Variants in LAMC2 observed in about 807,000 individuals in gnomAD.
The protein encoded by LAMC2 is laminin subunit gamma 2.
Under a neutral mutation model 140.2 loss-of-function variants are expected in LAMC2, and 97 were observed. The observed-to-expected ratio is 0.69, with a 90% CI of 0.59 to 0.82. The LOEUF is 0.82. Ranked by LOEUF, LAMC2 falls within the 40% of genes least tolerant of loss-of-function variation. LAMC2 has a pLI of 0.00. For synonymous variants in LAMC2, 513 were observed against 540.2 expected (o/e 0.95, Z 0.70); for missense variants, 1,402 against 1,476.1 (o/e 0.95, Z 0.82).
At chr1:183,234,178 C>T (rs1414751849) in intron 14 of LAMC2, among the ~76,000 whole-genome samples, 189 bp from the exon 15 acceptor site, 1 of 152,240 alleles carries the variant, frequency 6.6e-6, no homozygotes, top group Non-Finnish European at 1.5e-5. Flanking sequence ...TGAGCCACCA[C>T]ACCCGGCCTA....
the LAMC2 span, chr1:183,252,341 G>A: frequency 2.9e-6 from 1 of 340,040 alleles, no homozygotes; most frequent in Non-Finnish European, 5.5e-6. Context: ...CACCAGAGCC[G>A]CCTCTCTAGA....
intron 9 of LAMC2, among the ~76,000 whole-genome samples, chr1:183,227,174 C>G (rs1226554829): frequency 6.6e-6 from 1 of 152,010 alleles, no homozygotes; most frequent in Admixed American, 6.5e-5. Context: ...GAGTTGGTGT[C>G]GAGTTCCAAG....
chr1:183,227,795 T>G, intron 10 of LAMC2, 98 bp downstream of exon 10: 2 of 1,169,732 alleles, frequency 1.7e-6, no homozygotes, highest in Non-Finnish European at 2.5e-6. Flanking sequence ...TAGGAAATTA[T>G]AATGACTTCG....
Position 183,232,091 on chromosome 1 carries a change from T to C in LAMC2, c.1858-96T>C, listed in dbSNP as rs937091524. 5 of 1,474,724 alleles carry C rather than the reference T, an allele frequency of 3.4e-6. No homozygotes were observed. In the African/African-American group the frequency reaches 6.9e-5, roughly 20 times the overall value. The allele number at this position is 1,474,724 out of a possible 1,614,324, so 91.4% of individuals were successfully genotyped here. A position where few individuals can be genotyped will look rare whatever the true frequency, so the allele number is the denominator to read the frequency against. On this transcript the variant is annotated intron_variant, in intron 12 of 22. Transcript: ENST00000264144. ...ACCACCATGACATGCTAAGCATTTC[T>C]GGACTTTTAGTATTATCCCCTGGGT... is the stretch of plus-strand genomic sequence containing the variant.
intron 1 of LAMC2, among the ~76,000 whole-genome samples, chr1:183,205,429 T>C (rs1658852303): frequency 6.6e-6 from 1 of 152,238 alleles, no homozygotes; most frequent in Non-Finnish European, 1.5e-5. Flanking sequence ...TTGAATTGTG[T>C]GCAAATGTAA....
At chr1:183,219,162 C>T (rs902229088) in intron 4 of LAMC2, among the ~76,000 whole-genome samples, 2 of 152,144 alleles carry the variant, frequency 1.3e-5, no homozygotes, top group African/African-American at 2.4e-5. Context: ...GTGAGGCTGG[C>T]GTCAGAAGCA....
chr1:183,234,415 C>A lies in LAMC2; in HGVS notation c.2269C>A (p.Leu757Met). Residue 757 changes from leucine to methionine, a missense_variant, in exon 15 of 23, where the codon CTG becomes ATG. By Grantham distance (15) the Leu-to-Met change is conservative. Coordinates refer to ENST00000264144, the MANE Select transcript of LAMC2 (RefSeq NM_005562.3). ...HYVGPNGFKS[L>M]AQEATRLAES... ...CGTGGGGCCAAATGGCTTTAAAAGT[C>A]TGGCTCAGGAGGCCACAAGATTAGC... 1 of 1,614,164 alleles carries A rather than the reference C, an allele frequency of 6.2e-7. No individual in the cohort carries two copies. The highest frequency in any genetic ancestry group is 8.5e-7 in the Non-Finnish European group (1 of 1,180,012).
chr1:183,221,933 T>G (rs1051047187), intron 5 of LAMC2, among the ~76,000 whole-genome samples, 156 bp from the exon 6 acceptor site: 1 of 152,068 alleles, frequency 6.6e-6, no homozygotes, highest in East Asian at 1.9e-4. Flanking sequence ...GAGAGATACA[T>G]GCAGAATTTT....
intron 4 of LAMC2, 36 bp from the exon 5 acceptor site, chr1:183,220,789 A>G: frequency 6.2e-7 from 1 of 1,601,990 alleles, no homozygotes; most frequent in Non-Finnish European, 8.5e-7. Flanking sequence ...ATAAAAAATA[A>G]CCTATAATAT....
chr1:183,252,583 G>A, the LAMC2 span: 3 of 1,204,284 alleles, frequency 2.5e-6, no homozygotes, highest in African/African-American at 3.0e-5. Context: ...AGGCAGGAGA[G>A]AAACAGGGGG....
chr1:183,216,840 G>T (rs1025895046), intron 3 of LAMC2, among the ~76,000 whole-genome samples: 1 of 152,150 alleles, frequency 6.6e-6, no homozygotes, highest in Admixed American at 6.5e-5. Context: ...AGGATGTCCA[G>T]TGCATCTGCA....
chr1:183,240,811 A>AG, intron 22 of LAMC2: 1 of 448,976 alleles, frequency 2.2e-6, no homozygotes, highest in Non-Finnish European at 3.1e-6. Context: ...AAGCTTGAAG[A>AG]GGGGGTTAGA....
chr1:183,242,657 G>A (rs765036000), intron 22 of LAMC2, among the ~76,000 whole-genome samples: 33 of 152,188 alleles, frequency 2.2e-4, no homozygotes, highest in African/African-American at 7.0e-4. Flanking sequence ...GTGGCAAAGC[G>A]TACCTTGGCC....
chr1:183,240,697 A>T lies in LAMC2; in HGVS notation c.3328+306A>T, dbSNP rs77829842. The T allele has an allele frequency of 2.0e-3, 2,635 of 1,301,458 alleles. 56 individuals are homozygous for T. In the African/African-American group the frequency reaches 0.035, roughly 17 times the overall value. The allele number at this position is 1,301,458 out of a possible 1,614,324, so 80.6% of individuals were successfully genotyped here. On this transcript the variant is annotated intron_variant, in intron 22 of 22. Transcript: ENST00000264144. ...CGAGACAGCTTGGGAATCCTGCTAA[A>T]GAGTCTGGCCTGGACCCTGAGAAGC...
At chr1:183,207,835 GTTTTT>G in intron 1 of LAMC2, 41 bp from the exon 2 acceptor site, 1 of 1,185,248 alleles carries the variant, frequency 8.4e-7, no homozygotes. Flanking sequence ...TTCCTGAGGT[GTTTTT>G]TTTTTTTTTT....
At position 183,225,641 on chromosome 1, in the gene LAMC2, C is replaced by T; in HGVS notation, c.987C>T (p.Pro329=). ...AGCATCCAAGCAATAATTGGAGCCC[C>T]CAGCTGAGTTACTTTGAGTATCGAA... ...LNEHPSNNWS[P]QLSYFEYRRL... is the part of the protein sequence containing the mutation. Residue 329 remains proline (P), a synonymous_variant, in exon 8 of 23, where the codon CCC becomes CCT. Coordinates refer to ENST00000264144, the MANE Select transcript of LAMC2 (RefSeq NM_005562.3). 1.2e-6 allele frequency: 2 copies of T among 1,614,024 alleles called. No homozygotes were observed. Among genetic ancestry groups the T allele is most frequent in the South Asian group, 1.1e-5 (1 of 91,076 alleles).
intron 17 of LAMC2, 64 bp downstream of exon 17, chr1:183,236,668 G>T (rs1659974271): frequency 1.0e-5 from 16 of 1,567,562 alleles, no homozygotes; most frequent in South Asian, 1.0e-4. Context: ...TTTTCTGGGG[G>T]TGCCATAATA....
At chr1:183,202,819 C>T (rs954096739) in intron 1 of LAMC2, among the ~76,000 whole-genome samples, 7 of 152,104 alleles carry the variant, frequency 4.6e-5, no homozygotes, top group African/African-American at 1.7e-4. Context: ...ATGTAAACTC[C>T]GTGAGGGCTG....
chr1:183,237,049 G>GA (rs913239285), intron 17 of LAMC2, among the ~76,000 whole-genome samples: 11 of 150,654 alleles, frequency 7.3e-5, no homozygotes, highest in Non-Finnish European at 1.5e-4. Context: ...ACTACCTATA[G>GA]AAAAAAAAAT....
Sources: allele counts gnomAD v4.1 joint callset (sites outside exome capture counted in the v4.1 genomes callset), GRCh38; gene constraint gnomAD v4.1.1; transcripts MANE v1.5; gene names NCBI Gene and HGNC (gene_info 2026-07-23, HGNC 2026-07-21).